ATP1A3: variants seen among roughly 807,000 people sequenced by gnomAD.
ATP1A3 encodes the protein sodium/potassium-transporting ATPase subunit alpha-3.
ATP1A3 carries 12 observed loss-of-function variants against 108.8 expected under a neutral mutation model. That is an observed-to-expected ratio of 0.11 (90% CI 0.07 to 0.18). The LOEUF is 0.18. ATP1A3 is among the 10% of genes least tolerant of loss of function. The probability of loss-of-function intolerance (pLI) is 1.00; values close to 1 mark genes in which losing one functional copy is unlikely to be tolerated. For missense variants in ATP1A3, 498 were observed against 1,387.7 expected (o/e 0.36, Z 10.19); for synonymous variants, 539 against 564.5 (o/e 0.95, Z 0.64).
chr19:41,993,275 G>A, intron 1 of ATP1A3: 1 of 1,045,348 alleles, frequency 9.6e-7, no homozygotes, highest in Non-Finnish European at 1.4e-6. Context: ...ATCTGCTGGA[G>A]AGACTCACAG....
At chr19:41,982,149 G>T in intron 8 of ATP1A3, 43 bp from the exon 9 acceptor site, 1 of 1,613,278 alleles carries the variant, frequency 6.2e-7, no homozygotes, top group African/African-American at 1.3e-5. Context: ...GGACAAGCCC[G>T]GCAGCAGGGT....
At chr19:41,990,474 C>G (rs2075326733) in intron 1 of ATP1A3, among the ~76,000 whole-genome samples, 1 of 122,536 alleles carries the variant, frequency 8.2e-6, no homozygotes, top group Non-Finnish European at 1.8e-5. Context: ...CCTCCTTCCC[C>G]ATATATCTCT....
intron 8 of ATP1A3, 52 bp from the exon 9 acceptor site, chr19:41,982,158 G>A (rs2075239504): frequency 6.2e-7 from 1 of 1,612,966 alleles, no homozygotes; most frequent in Non-Finnish European, 8.5e-7. Context: ...CGGCAGCAGG[G>A]TTGGATGAGC....
intron 4 of ATP1A3, 84 bp downstream of exon 4, chr19:41,987,852 C>G: frequency 6.5e-7 from 1 of 1,526,816 alleles, no homozygotes; most frequent in South Asian, 1.1e-5. Flanking sequence ...CTGTGAAAAG[C>G]TTAGAGGGAT....
Position 41,966,638 on chromosome 19 carries a change from C to CG in ATP1A3, c.*298dup, listed in dbSNP as rs782566365. 5.3e-6 allele frequency: 8 copies of CG among 1,498,676 alleles called. No homozygotes were observed. The highest frequency in any genetic ancestry group is 1.4e-5 in the African/African-American group (1 of 71,874). 92.8% of individuals were successfully genotyped at this position (1,498,676 alleles called of 1,614,324 possible). ...GTCCAGAACCAGAGATGGCATCAGCCGGGGGGCTGAAGGGGAGTAAAAAAG... is the reference window on the plus strand; with the variant it reads ...GTCCAGAACCAGAGATGGCATCAGCCGGGGGGGCTGAAGGGGAGTAAAAAAG... On this transcript the variant is annotated 3_prime_UTR_variant, in exon 23 of 23. Coordinates refer to ENST00000648268, the MANE Select transcript of ATP1A3 (RefSeq NM_152296.5).
At chr19:41,976,801 T>C (rs1001705001) in intron 14 of ATP1A3, among the ~76,000 whole-genome samples, 6 of 151,760 alleles carry the variant, frequency 4.0e-5, no homozygotes, top group African/African-American at 1.5e-4. Context: ...TTTATTTATT[T>C]ATTATTTATT....
chr19:41,972,833 G>A (rs2075125216), intron 16 of ATP1A3, among the ~76,000 whole-genome samples: 1 of 139,998 alleles, frequency 7.1e-6, no homozygotes, highest in African/African-American at 2.8e-5. Context: ...AAGGAAGGAA[G>A]GAAGGAAGGA....
chr19:41,978,847 A>G lies in ATP1A3; in HGVS notation c.1438-49T>C. On this transcript the variant is annotated intron_variant, in intron 11 of 22. Transcript: ENST00000648268. This position sits in a 1 kb window ranked among gnomAD's most constrained non-coding sequence, Gnocchi z 8.3. ...GTGCCTGAGCCACGCAGACACCAGGAAGCTCCCTGCCCCATCCTGTCCCCT... is the reference window on the plus strand; with the variant it reads ...GTGCCTGAGCCACGCAGACACCAGGGAGCTCCCTGCCCCATCCTGTCCCCT... 1 of 1,600,038 alleles carries G rather than the reference A, an allele frequency of 6.2e-7. No homozygotes were observed. The highest frequency in any genetic ancestry group is 8.6e-7 in the Non-Finnish European group (1 of 1,169,378).
At chr19:41,983,660 G>A (rs2075257487) in intron 8 of ATP1A3, among the ~76,000 whole-genome samples, 1 of 147,802 alleles carries the variant, frequency 6.8e-6, no homozygotes, top group South Asian at 2.1e-4. Flanking sequence ...ACAGGCTAGA[G>A]TGCAGTGGTT....
In ATP1A3 at chr19:41,975,698, A is replaced by G; in HGVS notation, c.2194T>C (p.Ser732Pro). The G allele has an allele frequency of 6.2e-7, 1 of 1,614,066 alleles. No homozygotes were observed. Among genetic ancestry groups the G allele is most frequent in the Non-Finnish European group, 8.5e-7 (1 of 1,179,980 alleles). The change falls in exon 16 of 23, where the codon TCC (serine) becomes CCC (proline). Residue 732 changes from serine to proline, a missense_variant. Physicochemically the swap from Ser to Pro is moderately conservative, Grantham distance 74. This residue lies in a region of ATP1A3 where 121 missense variants were observed against 425.1 expected (regional missense o/e 0.28). Coordinates refer to ENST00000648268, the MANE Select transcript of ATP1A3 (RefSeq NM_152296.5). ...AGGATCATGTCAGCTGCCTGCTTGG[A>G]GACGTCAGAGCCAGCGATGCCCATG... ...VAMGIAGSDV[S>P]KQAADMILLD...
At chr19:41,972,875 C>G (rs868982149) in intron 16 of ATP1A3, among the ~76,000 whole-genome samples, 5 of 98,222 alleles carry the variant, frequency 5.1e-5, no homozygotes, top group African/African-American at 2.2e-4. Context: ...GGAAGGAAGG[C>G]AGGCAGGCAG....
In ATP1A3 at chr19:41,970,370, G is replaced by A. The variant is rs369674143; in HGVS notation, c.2418+18C>T. 3.7e-5 allele frequency: 60 copies of A among 1,614,124 alleles called. No homozygotes were observed. The highest frequency in any genetic ancestry group is 1.6e-4 in the Middle Eastern group (1 of 6,084). ...GACTCCACCCTCCTGGGCCCCAAGG[G>A]TGGCTGCCAGGGCTCACCATGTCAG... On this transcript the variant is annotated intron_variant, in intron 17 of 22. Transcript: ENST00000648268.
rs375990668 is a variant in ATP1A3, at chr19:41,988,566, C to A, written c.7-4G>T. 1 of 1,613,988 alleles carries A rather than the reference C, an allele frequency of 6.2e-7. No individual in the cohort carries two copies. Among genetic ancestry groups the A allele is most frequent in the African/African-American group, 1.3e-5 (1 of 74,894 alleles). On this transcript the variant is annotated splice_polypyrimidine_tract_variant and splice_region_variant and intron_variant, in intron 1 of 22. Transcript: ENST00000648268. This position sits in a 1 kb window ranked among gnomAD's most constrained non-coding sequence, Gnocchi z 5.3. The stretch of plus-strand genomic sequence containing the variant: ...AGTCCTTGTCATCTTTCTTGTCCTG[C>A]GAGGTGGCGATACGATAGCTGTCAG...
intron 15 of ATP1A3, among the ~76,000 whole-genome samples, chr19:41,976,025 C>T (rs374706024): frequency 1.1e-3 from 160 of 150,426 alleles, no homozygotes; most frequent in African/African-American, 3.7e-3. Context: ...GAGGTCCAGG[C>T]CCCCAGCCTC....
chr19:41,986,503 C>T lies in ATP1A3; in HGVS notation c.358-274G>A, dbSNP rs1475422697. 1.9e-5 allele frequency: 7 copies of T among 367,692 alleles called. No individual in the cohort carries two copies. The Admixed American group carries it at 2.6e-4, about 14-fold the overall frequency. 22.8% of individuals were successfully genotyped at this position (367,692 alleles called of 1,614,324 possible). A position where few individuals can be genotyped will look rare whatever the true frequency, so the allele number is the denominator to read the frequency against. ...TGTCGCCCAGGCTGGAGTGCAATGG[C>T]ATGATCTTGGCTCACTGCAATCTCC... On this transcript the variant is annotated intron_variant, in intron 4 of 22. Coordinates refer to ENST00000648268, the MANE Select transcript of ATP1A3 (RefSeq NM_152296.5).
At chr19:41,992,080 A>C (rs1599729620) in intron 1 of ATP1A3, among the ~76,000 whole-genome samples, 1 of 82,766 alleles carries the variant, frequency 1.2e-5, no homozygotes, top group Non-Finnish European at 2.3e-5. Flanking sequence ...CTGAGGGAGG[A>C]GGGGCTGGGG....
At position 41,975,783 on chromosome 19, in the gene ATP1A3, A is replaced by C. The variant is rs782373381; in HGVS notation, c.2109T>G (p.Ala703=). The change falls in exon 16 of 23, where the codon GCT becomes GCG. Residue 703 remains alanine, a synonymous_variant. Transcript: ENST00000648268. The part of the protein sequence containing the change: ...EGCQRQGAIV[A]VTGDGVNDSP... Reference sequence around the variant, plus strand: ...AGTCGTTCACACCATCCCCGGTCACAGCCACAATTGCACCCTGGAGGGAGA... The same window carrying C: ...AGTCGTTCACACCATCCCCGGTCACCGCCACAATTGCACCCTGGAGGGAGA... 1.2e-6 allele frequency: 2 copies of C among 1,613,938 alleles called. No homozygotes were observed. The highest frequency in any genetic ancestry group is 4.5e-5 in the East Asian group (2 of 44,892).
Position 41,988,523 on chromosome 19 carries a change from C to T in ATP1A3, c.46G>A (p.Gly16Ser), listed in dbSNP as rs559227917. The part of the protein sequence containing the change: ...DDKDSPKKNK[G>S]KERRDLDDLK... Reference sequence around the variant, plus strand: ...TCATCCAGGTCCCGGCGCTCCTTGCCCTTGTTCTTCTTGGGTGAGTCCTTG... The same window carrying T: ...TCATCCAGGTCCCGGCGCTCCTTGCTCTTGTTCTTCTTGGGTGAGTCCTTG... The change falls in exon 2 of 23, where the codon GGC (glycine) becomes AGC (serine). Residue 16 changes from glycine to serine, a missense_variant. Physicochemically the swap from Gly to Ser is moderately conservative, Grantham distance 56 (BLOSUM62 0). Transcript: ENST00000648268. The surrounding 1 kb of genome is among the most constrained non-coding windows in gnomAD (Gnocchi z 5.3). The T allele has an allele frequency of 5.0e-6, 8 of 1,614,146 alleles. No homozygotes were observed. The Admixed American group carries it at 1.2e-4, about 24-fold the overall frequency.
In ATP1A3 at chr19:41,975,666, G is replaced by A. The variant is rs146600566; in HGVS notation, c.2226C>T (p.Asp742=). ...CTGTGACGATGGAGGCAAAGTTGTC[G>A]TCCAGCAGGATCATGTCAGCTGCCT... The part of the protein sequence containing the change: ...SKQAADMILL[D]DNFASIVTGV... Residue 742 remains aspartate (D), a synonymous_variant, in exon 16 of 23, where the codon GAC becomes GAT. Coordinates refer to ENST00000648268, the MANE Select transcript of ATP1A3 (RefSeq NM_152296.5). The A allele has an allele frequency of 1.7e-4, 268 of 1,614,010 alleles. No individual in the cohort carries two copies. Among genetic ancestry groups the A allele is most frequent in the Middle Eastern group, 3.3e-4 (2 of 6,084 alleles).
Sources: gnomAD v4.1 joint callset for allele counts (sites outside exome capture counted in the v4.1 genomes callset) on GRCh38, gnomAD v4.1.1 for gene constraint, gnomAD v4.1.1 regional missense constraint, Gnocchi (gnomAD v3.1) non-coding constraint, MANE v1.5 for transcripts, NCBI Gene and HGNC (gene_info 2026-07-23, HGNC 2026-07-21) for gene names.